SPG11: variants seen among roughly 807,000 people sequenced by gnomAD.
The protein encoded by SPG11 is SPG11 vesicle trafficking associated, spatacsin.
SPG11 carries 222 observed loss-of-function variants against 274.0 expected under a neutral mutation model. That is an observed-to-expected ratio of 0.81 (90% CI 0.73 to 0.91). The LOEUF (loss-of-function observed/expected upper bound fraction) is 0.91. SPG11 is among the 40% of genes least tolerant of loss of function. The pLI is 0.00. For missense variants in SPG11, 3,114 were observed against 2,872.7 expected, an observed-to-expected ratio of 1.08 and a Z score of -1.92; for synonymous variants, 1,144 against 1,039.7, an observed-to-expected ratio of 1.10 and a Z score of -1.93.
intron 14 of SPG11, 135 bp downstream of exon 14, chr15:44,621,624 A>G: frequency 1.2e-6 from 1 of 860,908 alleles, no homozygotes; most frequent in Non-Finnish European, 1.9e-6. Context: ...TAATGCAACG[A>G]CTTGCATTTT....
chr15:44,615,714 A>G (rs2083577592), intron 15 of SPG11, 148 bp from the exon 16 acceptor site: 1 of 759,188 alleles, frequency 1.3e-6, no homozygotes, highest in South Asian at 1.7e-5. Context: ...TCTCAGACAC[A>G]TTTTTTGCTG....
intron 30 of SPG11, among the ~76,000 whole-genome samples, chr15:44,580,332 G>A (rs2082634853): frequency 6.6e-6 from 1 of 152,188 alleles, no homozygotes; most frequent in African/African-American, 2.4e-5. Context: ...GCTCTAAGAT[G>A]TTTACACAGT....
chr15:44,599,481 G>C (rs1172852708), intron 21 of SPG11, among the ~76,000 whole-genome samples: 1 of 152,004 alleles, frequency 6.6e-6, no homozygotes, highest in African/African-American at 2.4e-5. Flanking sequence ...TGTATTTTTA[G>C]TAGAGACAGG....
At chr15:44,592,528 T>G (rs2082928876) in intron 26 of SPG11, 90 bp from the exon 27 acceptor site, 1 of 830,530 alleles carries the variant, frequency 1.2e-6, no homozygotes, top group Non-Finnish European at 2.0e-6. Context: ...TTAAAAATGC[T>G]ATTAATAAGG....
chr15:44,625,527 T>A (rs778818669), intron 11 of SPG11, among the ~76,000 whole-genome samples: 92 of 152,188 alleles, frequency 6.0e-4, no homozygotes, highest in Non-Finnish European at 1.1e-3. Context: ...TCTCCTGCCA[T>A]GTAAGACAGG....
At chr15:44,644,166 CAA>C (rs35554299) in intron 7 of SPG11, among the ~76,000 whole-genome samples, 25 of 86,956 alleles carry the variant, frequency 2.9e-4, no homozygotes, top group South Asian at 3.8e-4. Context: ...GACTCCATCT[CAA>C]AAAAAAAAAA....
In SPG11 at chr15:44,660,504, T is replaced by G. The variant is rs761347858; in HGVS notation, c.370A>C (p.Arg124=). 1 of 1,614,190 alleles carries G rather than the reference T, an allele frequency of 6.2e-7. No homozygotes were observed. The highest frequency in any genetic ancestry group is 8.5e-7 in the Non-Finnish European group (1 of 1,180,000). Residue 124 remains arginine (R), a synonymous_variant, in exon 2 of 40, where the codon AGA becomes CGA. Coordinates refer to ENST00000261866, the MANE Select transcript of SPG11 (RefSeq NM_025137.4). ...CTATACAAAATGGTTGCATCACATC[T>G]TCCATCTTTCAAATTAAATTCATAG... is the stretch of plus-strand genomic sequence containing the variant. ...LIYEFNLKDG[R]CDATILYSCS... is the part of the protein sequence containing the mutation.
chr15:44,589,222 A>G (rs988437535), intron 28 of SPG11, 30 bp downstream of exon 28: 8 of 1,611,444 alleles, frequency 5.0e-6, no homozygotes, highest in Non-Finnish European at 6.8e-6. Context: ...TAACTTCTTA[A>G]TAGCAACTTA....
rs1396176709 is a variant in SPG11, at chr15:44,648,950, C to G, written c.1518G>C (p.Met506Ile). 1 of 1,613,994 alleles carries G rather than the reference C, an allele frequency of 6.2e-7. No homozygotes were observed. Among genetic ancestry groups the G allele is most frequent in the South Asian group, 1.1e-5 (1 of 91,080 alleles). ...CCACAGTGCTGGCACTTCCATGGAT[C>G]ATGAGTCTGTTTAAAAACTCTTCTT... ...LTQEEFLNRL[M>I]IHGSASTVDT... Residue 506 changes from methionine to isoleucine, a missense_variant, in exon 7 of 40, where the codon ATG (methionine) becomes ATC (isoleucine). Physicochemically the swap from Met to Ile is conservative, Grantham distance 10. Coordinates refer to ENST00000261866, the MANE Select transcript of SPG11 (RefSeq NM_025137.4).
At chr15:44,600,205 G>A (rs1221536591) in intron 21 of SPG11, 5 of 411,682 alleles carry the variant, frequency 1.2e-5, no homozygotes, top group Admixed American at 3.7e-5. Context: ...GTTAACTGTG[G>A]TATGTTTCCA....
At chr15:44,648,416 G>A (rs2084665340) in intron 7 of SPG11, among the ~76,000 whole-genome samples, 1 of 151,972 alleles carries the variant, frequency 6.6e-6, no homozygotes, top group African/African-American at 2.4e-5. Context: ...GGGAGGCTGA[G>A]GTGGGAGAAT....
rs367880696 is a variant in SPG11 at position 44,589,352 on chromosome 15, C to A, written c.4806G>T (p.Val1602=). The A allele has an allele frequency of 5.6e-6, 9 of 1,614,040 alleles. No homozygotes were observed. Among genetic ancestry groups the A allele is most frequent in the African/African-American group, 2.7e-5 (2 of 74,932 alleles). ...VIPAMWLEDQ[V]CFLLKLMLQQ... ...GTAGCATAAGCTTCAAAAGGAAACA[C>A]ACCTGATCCTCCAGCCACATGGCAG... is the stretch of plus-strand genomic sequence containing the variant. The change falls in exon 28 of 40, where the codon GTG becomes GTT. Residue 1602 remains valine, a synonymous_variant. Transcript: ENST00000261866.
intron 30 of SPG11, among the ~76,000 whole-genome samples, chr15:44,578,018 CCTT>C (rs1433256714): frequency 5.6e-5 from 8 of 143,092 alleles, no homozygotes; most frequent in Admixed American, 1.4e-4. Context: ...AGCCTTCTTT[CCTT>C]TTTTTTTTTT....
intron 34 of SPG11, among the ~76,000 whole-genome samples, chr15:44,569,827 C>G (rs2082381991): frequency 6.6e-6 from 1 of 152,038 alleles, no homozygotes; most frequent in South Asian, 2.1e-4. Flanking sequence ...AGCAATTCTC[C>G]TGCCTCAGCC....
At chr15:44,637,670 T>C (rs1292053369) in intron 7 of SPG11, among the ~76,000 whole-genome samples, 1 of 152,220 alleles carries the variant, frequency 6.6e-6, no homozygotes, top group Non-Finnish European at 1.5e-5. Context: ...AGTAGTCATG[T>C]GCCACATAAC....
At chr15:44,566,045 G>A in intron 37 of SPG11, 36 bp from the exon 38 acceptor site, 1 of 1,612,600 alleles carries the variant, frequency 6.2e-7, no homozygotes, top group Non-Finnish European at 8.5e-7. Context: ...AGTAGAGAAA[G>A]ACCTAGTTGT....
At chr15:44,575,963 A>G (rs1331423245) in intron 30 of SPG11, among the ~76,000 whole-genome samples, 1 of 151,648 alleles carries the variant, frequency 6.6e-6, no homozygotes, top group Non-Finnish European at 1.5e-5. Context: ...ACCAACATGG[A>G]GAAACCCTGT....
chr15:44,633,081 C>G lies in SPG11; in HGVS notation c.1735+424G>C, dbSNP rs148359786. 7.2e-5 allele frequency among the ~76,000 whole-genome samples: 11 copies of G among 152,002 alleles called. No individual in the cohort carries two copies. In the East Asian group the frequency reaches 1.9e-3, roughly 27 times the overall value. On this transcript the variant is annotated intron_variant, in intron 8 of 39. Transcript: ENST00000261866. ...ACAAAGTTGTCCAGGCATGGTGGCT[C>G]ACGCCTGTAATCCCAGCACTCTGGG...
Position 44,663,494 on chromosome 15 carries a change from C to G in SPG11, c.154G>C (p.Glu52Gln). ...GSRAQLRTQPEALGSLTAAGS... is the reference protein window; with the variant it reads ...GSRAQLRTQPQALGSLTAAGS... ...GCAGCCGTCAGGCTCCCCAGAGCCT[C>G]CGGCTGTGTGCGCAGCTGCGCCCGG... Residue 52 changes from glutamate to glutamine, a missense_variant, in exon 1 of 40, where the codon GAG becomes CAG. Coordinates refer to ENST00000261866, the MANE Select transcript of SPG11 (RefSeq NM_025137.4). The G allele has an allele frequency of 2.5e-6, 4 of 1,593,798 alleles. No homozygotes were observed. Among genetic ancestry groups the G allele is most frequent in the Non-Finnish European group, 3.4e-6 (4 of 1,170,980 alleles).
Sources: allele counts gnomAD v4.1 joint callset (sites outside exome capture counted in the v4.1 genomes callset), GRCh38; gene constraint gnomAD v4.1.1; transcripts MANE v1.5; gene names NCBI Gene and HGNC (gene_info 2026-07-23, HGNC 2026-07-21).